AP5M1: variants seen among roughly 807,000 people sequenced by gnomAD.
AP5M1 encodes the protein AP-5 complex subunit mu-1.
A neutral mutation model predicts 52.3 loss-of-function variants in AP5M1; 44 were observed. The observed-to-expected ratio is 0.84, with a 90% CI of 0.66 to 1.08. The LOEUF (loss-of-function observed/expected upper bound fraction) is 1.08, where lower values mean the gene tolerates loss of function less well. Ranked by LOEUF, AP5M1 falls within the 50% of genes least tolerant of loss-of-function variation. The pLI, the probability that AP5M1 is intolerant of heterozygous loss-of-function variation, is 0.00. For synonymous variants in AP5M1, 213 were observed against 199.0 expected, an observed-to-expected ratio of 1.07 and a Z score of -0.59; for missense variants, 526 against 568.4, an observed-to-expected ratio of 0.93 and a Z score of 0.76.
chr14:57,270,161 A>G (rs545651788), intron 1 of AP5M1, among the ~76,000 whole-genome samples: 1 of 152,308 alleles, frequency 6.6e-6, no homozygotes, highest in South Asian at 2.1e-4. Context: ...TCATCAGTTT[A>G]CAGTTCCTAA....
chr14:57,287,529 AATTT>A, intron 7 of AP5M1, among the ~76,000 whole-genome samples: 1 of 152,110 alleles, frequency 6.6e-6, no homozygotes, highest in Non-Finnish European at 1.5e-5. Flanking sequence ...ATGGGAAAAT[AATTT>A]ATTTATGTTA....
chr14:57,286,984 T>TAC (rs200772622), intron 7 of AP5M1, among the ~76,000 whole-genome samples: 4,173 of 135,052 alleles, frequency 0.031, 72 homozygotes, highest in Middle Eastern at 0.071. Flanking sequence ...TATATGTGTG[T>TAC]ACACACACAC....
intron 3 of AP5M1, among the ~76,000 whole-genome samples, chr14:57,281,482 A>G (rs765260885): frequency 1.3e-5 from 2 of 152,252 alleles, no homozygotes; most frequent in Non-Finnish European, 2.9e-5. Flanking sequence ...CTAGAACCAG[A>G]AAATTAGTAT....
Position 57,274,368 on chromosome 14 carries a change from G to A in AP5M1, c.199G>A (p.Asp67Asn), listed in dbSNP as rs1484089434. Residue 67 changes from aspartate to asparagine, a missense_variant, in exon 2 of 8, where the codon GAC (aspartate) becomes AAC (asparagine). Coordinates refer to ENST00000261558, the MANE Select transcript of AP5M1 (RefSeq NM_018229.4). ...FELRLLDDDK[D>N]FVESRDSCSR... is the part of the protein sequence containing the mutation. ...ACTTAGATTATTGGATGATGATAAA[G>A]ACTTCGTTGAGAGTCGTGATAGCTG... The A allele has an allele frequency of 6.2e-7, 1 of 1,614,168 alleles. No individual in the cohort carries two copies. The highest frequency in any genetic ancestry group is 2.2e-5 in the East Asian group (1 of 44,872).
At chr14:57,282,415 C>T (rs891547294) in intron 4 of AP5M1, among the ~76,000 whole-genome samples, 187 bp downstream of exon 4, 2 of 152,098 alleles carry the variant, frequency 1.3e-5, no homozygotes, top group South Asian at 4.1e-4. Flanking sequence ...ATGCCTTTAT[C>T]TTTCTAGTTA....
intron 3 of AP5M1, among the ~76,000 whole-genome samples, chr14:57,281,263 TGAAAC>T (rs1885167995): frequency 6.6e-6 from 1 of 152,176 alleles, no homozygotes; most frequent in Admixed American, 6.5e-5. Context: ...AGTTGATAAA[TGAAAC>T]TGCCTGGATT....
Position 57,280,258 on chromosome 14 carries a change from CCACTT to C in AP5M1, c.787_791del (p.Leu263GlyfsTer12). On this transcript the variant is annotated frameshift_variant, in exon 3 of 8. Coordinates refer to ENST00000261558, the MANE Select transcript of AP5M1 (RefSeq NM_018229.4). LOFTEE classifies it high-confidence loss of function. ...CTTGAGTCTCCCCACCAATGGATCT[CCACTT>C]CAGGATATTCTAGTTCACCCTTGTG... is the stretch of plus-strand genomic sequence containing the variant. 1 of 1,613,978 alleles carries C rather than the reference CCACTT, an allele frequency of 6.2e-7. No homozygotes were observed. The highest frequency in any genetic ancestry group is 2.2e-5 in the East Asian group (1 of 44,842).
At chr14:57,282,261 G>C (rs748983996) in intron 4 of AP5M1, 33 bp downstream of exon 4, 1 of 1,463,892 alleles carries the variant, frequency 6.8e-7, no homozygotes, top group Non-Finnish European at 9.1e-7. Flanking sequence ...CATAATTTCT[G>C]TCTTCCTTAA....
intron 1 of AP5M1, among the ~76,000 whole-genome samples, chr14:57,272,075 T>A (rs371605457): frequency 3.3e-5 from 5 of 152,338 alleles, no homozygotes; most frequent in East Asian, 1.9e-4. Context: ...ACTGCTTAAG[T>A]AAATAAGTTT....
In AP5M1 at chr14:57,274,601, A is replaced by C. The variant is rs745959409; in HGVS notation, c.432A>C (p.Ser144=). 3.7e-6 allele frequency: 6 copies of C among 1,614,210 alleles called. No individual in the cohort carries two copies. Among genetic ancestry groups the C allele is most frequent in the South Asian group, 2.2e-5 (2 of 91,078 alleles). ...FLFGIQDFLY[S]GQKNDSELNT... is the part of the protein sequence containing the mutation. ...TTGGGATACAGGATTTTCTTTATTC[A>C]GGTCAAAAAAATGACTCTGAGCTGA... Residue 144 remains serine, a synonymous_variant, in exon 2 of 8, where the codon TCA becomes TCC. Transcript: ENST00000261558.
chr14:57,279,014 TA>T (rs1566516067), intron 2 of AP5M1, among the ~76,000 whole-genome samples: 1 of 152,100 alleles, frequency 6.6e-6, no homozygotes, highest in South Asian at 2.1e-4. Flanking sequence ...TGGCTGTTAT[TA>T]AAAAGTTAAA....
intron 4 of AP5M1, 45 bp from the exon 5 acceptor site, chr14:57,282,887 CTG>C (rs746300029): frequency 3.0e-6 from 4 of 1,322,594 alleles, no homozygotes; most frequent in Non-Finnish European, 4.2e-6. Context: ...TCTCTTAAAA[CTG>C]TTATATCTAT....
Position 57,295,630 on chromosome 14 carries a change from A to C in AP5M1, c.*6746A>C, listed in dbSNP as rs914159974. ...AATAACTTTTAACATAGTATTTCTC[A>C]ACTATGTTACTTCAAAATGTTTAAG... On this transcript the variant is annotated 3_prime_UTR_variant, in exon 8 of 8. Coordinates refer to ENST00000261558, the MANE Select transcript of AP5M1 (RefSeq NM_018229.4). 3 of 151,838 alleles carry C rather than the reference A, an allele frequency of 2.0e-5. No homozygotes were observed. The East Asian group carries it at 5.8e-4, about 29-fold the overall frequency. 9.4% of individuals were successfully genotyped at this position (151,838 alleles called of 1,614,324 possible). A position where few individuals can be genotyped will look rare whatever the true frequency, so the allele number is the denominator to read the frequency against.
At chr14:57,280,447 G>A in intron 3 of AP5M1, 25 bp downstream of exon 3, 1 of 1,446,936 alleles carries the variant, frequency 6.9e-7, no homozygotes, top group Non-Finnish European at 9.7e-7. Context: ...ATAGTTGAGA[G>A]TTTGCTGATC....
chr14:57,282,407 G>A (rs1885202667), intron 4 of AP5M1, among the ~76,000 whole-genome samples, 179 bp downstream of exon 4: 1 of 151,950 alleles, frequency 6.6e-6, no homozygotes, highest in African/African-American at 2.4e-5. Context: ...CTTTAAATAT[G>A]CCTTTATCTT....
chr14:57,276,139 A>G (rs572051223), intron 2 of AP5M1, among the ~76,000 whole-genome samples: 2 of 152,162 alleles, frequency 1.3e-5, no homozygotes, highest in African/African-American at 4.8e-5. Flanking sequence ...CATATCTATC[A>G]TGGTCAAAAA....
At chr14:57,287,814 G>T (rs533253493) in intron 7 of AP5M1, among the ~76,000 whole-genome samples, 2 of 151,924 alleles carry the variant, frequency 1.3e-5, no homozygotes, top group Admixed American at 6.6e-5. Flanking sequence ...AATAATAATG[G>T]CTAATATTTA....
chr14:57,271,532 AT>A (rs1884896071), intron 1 of AP5M1, among the ~76,000 whole-genome samples: 1 of 151,616 alleles, frequency 6.6e-6, no homozygotes, highest in Non-Finnish European at 1.5e-5. Context: ...AAAGTTGCTT[AT>A]TTTTTCCTCT....
chr14:57,281,807 C>T (rs1885180758), intron 3 of AP5M1, among the ~76,000 whole-genome samples: 1 of 152,250 alleles, frequency 6.6e-6, no homozygotes, highest in Non-Finnish European at 1.5e-5. Context: ...ATGCCTACTG[C>T]ATGCCCTATG....
Sources: allele counts gnomAD v4.1 joint callset (sites outside exome capture counted in the v4.1 genomes callset), GRCh38; gene constraint gnomAD v4.1.1; transcripts MANE v1.5; gene names NCBI Gene and HGNC (gene_info 2026-07-23, HGNC 2026-07-21).